The following ZFPM2 variants were observed in gnomAD, a reference collection of about 807,000 sequenced individuals.
ZFPM2 encodes the protein zinc finger protein, FOG family member 2, also known as zinc finger protein ZFPM2.
ZFPM2 carries 20 observed loss-of-function variants against 98.6 expected under a neutral mutation model. The ratio of observed to expected loss-of-function variants is 0.20; its 90% confidence interval spans 0.14 to 0.29. ZFPM2 has a LOEUF of 0.29. Among genes scored for constraint, ZFPM2 ranks in the 10% least tolerant of loss-of-function variants. The pLI, the probability that ZFPM2 is intolerant of heterozygous loss-of-function variation, is 1.00. For missense variants in ZFPM2, 1,310 were observed against 1,388.6 expected (o/e 0.94, Z 0.90); for synonymous variants, 518 against 502.7 (o/e 1.03, Z -0.41).
At chr8:105,618,419 T>C (rs1816464541) in intron 4 of ZFPM2, among the ~76,000 whole-genome samples, 1 of 152,140 alleles carries the variant, frequency 6.6e-6, no homozygotes, top group African/African-American at 2.4e-5. Flanking sequence ...ATAGAATTGT[T>C]GTAAAAATTG....
intron 5 of ZFPM2, among the ~76,000 whole-genome samples, chr8:105,720,575 C>G (rs1312063841): frequency 6.6e-6 from 1 of 151,834 alleles, no homozygotes; most frequent in Non-Finnish European, 1.5e-5. Flanking sequence ...TCAATCATTT[C>G]ATGAAAAATA....
intron 1 of ZFPM2, among the ~76,000 whole-genome samples, chr8:105,379,967 T>A (rs1168562908): frequency 6.6e-6 from 1 of 152,102 alleles, no homozygotes; most frequent in African/African-American, 2.4e-5. Context: ...ATTATTGTAG[T>A]CCTAAGTCCT....
chr8:105,397,288 A>G (rs1321215282), intron 1 of ZFPM2, among the ~76,000 whole-genome samples: 4 of 152,196 alleles, frequency 2.6e-5, no homozygotes, highest in African/African-American at 9.6e-5. Context: ...CCGCTTTAAT[A>G]TGATTTCATG....
chr8:105,801,593 C>T lies in ZFPM2; in HGVS notation c.1511C>T (p.Pro504Leu). The change falls in exon 8 of 8, where the codon CCC (proline) becomes CTC (leucine). Residue 504 changes from proline (P) to leucine (L), a missense_variant. Pro to Leu is a moderately conservative substitution (Grantham distance 98). Transcript: ENST00000407775. ...VGPFLSQFSFPQDITMVPQAS... is the reference protein window; with the variant it reads ...VGPFLSQFSFLQDITMVPQAS... Reference sequence around the variant, plus strand: ...CCTTTCCTATCTCAGTTTTCTTTCCCCCAAGATATCACCATGGTCCCTCAA... The same window carrying T: ...CCTTTCCTATCTCAGTTTTCTTTCCTCCAAGATATCACCATGGTCCCTCAA... 15 of 1,613,836 alleles carry T rather than the reference C, an allele frequency of 9.3e-6. No individual in the cohort carries two copies. Among genetic ancestry groups the T allele is most frequent in the Non-Finnish European group, 1.1e-5 (13 of 1,179,860 alleles).
Position 105,558,696 on chromosome 8 carries a change from G to A in ZFPM2, c.302-2667G>A, listed in dbSNP as rs1563718869. ...GAAATATGTCAGTGGCAGAAAGAGA[G>A]GATGAATTACTTTTTTAAAGGGTTT... On this transcript the variant is annotated intron_variant, in intron 3 of 7. Transcript: ENST00000407775. Among the ~76,000 whole-genome samples the A allele has an allele frequency of 3.9e-5, 6 of 152,188 alleles. No homozygotes were observed. In the South Asian group the frequency reaches 1.2e-3, roughly 32 times the overall value.
intron 4 of ZFPM2, among the ~76,000 whole-genome samples, chr8:105,604,764 C>T (rs963087616): frequency 7.9e-5 from 12 of 151,994 alleles, no homozygotes; most frequent in African/African-American, 1.9e-4. Flanking sequence ...ATTCTCTGGA[C>T]GAACTTAAAC....
At chr8:105,330,536 C>T (rs1167136345) in intron 1 of ZFPM2, among the ~76,000 whole-genome samples, 1 of 90,114 alleles carries the variant, frequency 1.1e-5, no homozygotes, top group East Asian at 3.2e-4. Context: ...CTCTCTCTCT[C>T]TCTATATATA....
chr8:105,421,639 A>T (rs1392518293), intron 2 of ZFPM2, among the ~76,000 whole-genome samples: 1 of 152,196 alleles, frequency 6.6e-6, no homozygotes, highest in Non-Finnish European at 1.5e-5. Context: ...CAATGGAAAG[A>T]GAATATTTTC....
chr8:105,420,501 A>G (rs755630350), intron 2 of ZFPM2, among the ~76,000 whole-genome samples: 2 of 151,414 alleles, frequency 1.3e-5, no homozygotes, highest in Non-Finnish European at 2.9e-5. Flanking sequence ...AATTCAAAAA[A>G]CCTCCTTAAC....
intron 5 of ZFPM2, among the ~76,000 whole-genome samples, chr8:105,761,079 A>C (rs2131072039): frequency 6.6e-6 from 1 of 152,142 alleles, no homozygotes; most frequent in South Asian, 2.1e-4. Flanking sequence ...TTAAAAATGT[A>C]CTAAGCTGAG....
intron 4 of ZFPM2, among the ~76,000 whole-genome samples, chr8:105,601,777 G>A (rs1816097344): frequency 6.6e-6 from 1 of 152,028 alleles, no homozygotes; most frequent in Non-Finnish European, 1.5e-5. Flanking sequence ...ATGGGGGCAC[G>A]GGCATTAGTT....
intron 2 of ZFPM2, among the ~76,000 whole-genome samples, chr8:105,422,636 C>G (rs1184074665): frequency 1.3e-5 from 2 of 151,816 alleles, no homozygotes; most frequent in African/African-American, 4.8e-5. Context: ...TATATGGGTC[C>G]CAAGCATAAA....
At chr8:105,460,383 G>C (rs1053115365) in intron 3 of ZFPM2, among the ~76,000 whole-genome samples, 25 of 152,148 alleles carry the variant, frequency 1.6e-4, no homozygotes, top group Non-Finnish European at 2.9e-5. Context: ...GAACACATAG[G>C]AAACCCAGAG....
At chr8:105,505,671 G>T (rs1001417235) in intron 3 of ZFPM2, among the ~76,000 whole-genome samples, 45 of 151,950 alleles carry the variant, frequency 3.0e-4, no homozygotes, top group African/African-American at 9.4e-4. Context: ...CAAGTATTCT[G>T]CTACATTTCA....
At chr8:105,695,161 T>G (rs1299309244) in intron 5 of ZFPM2, among the ~76,000 whole-genome samples, 1 of 152,110 alleles carries the variant, frequency 6.6e-6, no homozygotes, top group African/African-American at 2.4e-5. Context: ...AGACATAATA[T>G]GATAGTATTT....
intron 3 of ZFPM2, among the ~76,000 whole-genome samples, chr8:105,549,026 A>C (rs1395397799): frequency 6.6e-6 from 1 of 152,172 alleles, no homozygotes; most frequent in African/African-American, 2.4e-5. Context: ...ATGGTGGGCT[A>C]TTGTAGGTCT....
intron 1 of ZFPM2, among the ~76,000 whole-genome samples, chr8:105,351,329 G>A (rs1255766048): frequency 6.7e-6 from 1 of 149,980 alleles, no homozygotes; most frequent in East Asian, 2.0e-4. Flanking sequence ...TAAAATTAGT[G>A]TTCTCTTTTA....
intron 5 of ZFPM2, among the ~76,000 whole-genome samples, chr8:105,749,712 G>T (rs1186178138): frequency 6.6e-6 from 1 of 151,676 alleles, no homozygotes; most frequent in Non-Finnish European, 1.5e-5. Flanking sequence ...GGTCAAAGAA[G>T]AGAAGGAGAA....
At chr8:105,799,654 T>C (rs2131171853) in intron 7 of ZFPM2, among the ~76,000 whole-genome samples, 1 of 152,316 alleles carries the variant, frequency 6.6e-6, no homozygotes, top group Non-Finnish European at 1.5e-5. Context: ...ATTCTAATTA[T>C]CATATTTTTT....
Sources: allele counts gnomAD v4.1 joint callset (sites outside exome capture counted in the v4.1 genomes callset), GRCh38; gene constraint gnomAD v4.1.1; transcripts MANE v1.5; gene names NCBI Gene and HGNC (gene_info 2026-07-23, HGNC 2026-07-21).